RAI1: variants seen among roughly 807,000 people sequenced by gnomAD.
The protein encoded by RAI1 is retinoic acid induced 1, also known as retinoic acid-induced protein 1.
Under a neutral mutation model 123.8 loss-of-function variants are expected in RAI1, and 9 were observed. The observed-to-expected ratio is 0.07, with a 90% CI of 0.04 to 0.13. The LOEUF (loss-of-function observed/expected upper bound fraction) is 0.13. Among genes scored for constraint, RAI1 ranks in the 10% least tolerant of loss-of-function variants. The pLI is 1.00. For synonymous variants in RAI1, 1,231 were observed against 1,127.3 expected, an observed-to-expected ratio of 1.09 and a Z score of -1.84; for missense variants, 2,256 against 2,545.8, an observed-to-expected ratio of 0.89 and a Z score of 2.45.
intron 2 of RAI1, among the ~76,000 whole-genome samples, chr17:17,745,046 A>C (rs1242069595): frequency 6.6e-6 from 1 of 151,952 alleles, no homozygotes; most frequent in East Asian, 1.9e-4. Context: ...TAAGCTGATA[A>C]ATGACCCCTC....
chr17:17,794,055 C>T lies in RAI1; in HGVS notation c.1107C>T (p.Asn369=), dbSNP rs2032134010. Residue 369 remains asparagine (N), a synonymous_variant, in exon 3 of 6, where the codon AAC becomes AAT. Coordinates refer to ENST00000353383, the MANE Select transcript of RAI1 (RefSeq NM_030665.4). ...TPSPLMPNLE[N]FPYSQQPLST... The stretch of plus-strand genomic sequence containing the variant: ...CGCCGCTGATGCCAAACCTGGAGAA[C>T]TTTCCCTACAGCCAGCAGCCGCTCA... 3 of 1,613,944 alleles carry T rather than the reference C, an allele frequency of 1.9e-6. No homozygotes were observed. Among genetic ancestry groups the T allele is most frequent in the African/African-American group, 1.3e-5 (1 of 74,942 alleles).
intron 2 of RAI1, among the ~76,000 whole-genome samples, chr17:17,738,511 G>T: frequency 6.6e-6 from 1 of 152,160 alleles, no homozygotes; most frequent in East Asian, 1.9e-4. Context: ...CACGGCCTTG[G>T]GCCTGGCCTG....
rs761257778 is a variant in RAI1, at chr17:17,796,164, A to G, written c.3216A>G (p.Pro1072=). Residue 1072 remains proline, a synonymous_variant, in exon 3 of 6, where the codon CCA becomes CCG. Transcript: ENST00000353383. The surrounding 1 kb of genome is among the most constrained non-coding windows in gnomAD (Gnocchi z 5.8). ...ALSEPRTPGP[P]GLTTTPAPPD... ...GTGAGCCCCGCACGCCCGGACCCCC[A>G]GGCCTGACCACCACCCCTGCACCCC... The G allele has an allele frequency of 3.8e-6, 6 of 1,558,626 alleles. No individual in the cohort carries two copies. The South Asian group carries it at 5.9e-5, about 15-fold the overall frequency.
intron 1 of RAI1, among the ~76,000 whole-genome samples, chr17:17,702,490 A>G (rs1281997391): frequency 6.6e-6 from 1 of 152,236 alleles, no homozygotes; most frequent in Non-Finnish European, 1.5e-5. Flanking sequence ...CCTGCTGCCC[A>G]ACTCCATGCC....
chr17:17,795,233 C>T lies in RAI1; in HGVS notation c.2285C>T (p.Pro762Leu). The T allele has an allele frequency of 1.2e-6, 2 of 1,614,034 alleles. No individual in the cohort carries two copies. Among genetic ancestry groups the T allele is most frequent in the Non-Finnish European group, 1.7e-6 (2 of 1,180,016 alleles). The change falls in exon 3 of 6, where the codon CCT becomes CTT. Residue 762 changes from proline to leucine, a missense_variant. This residue lies in a region of RAI1 where 566 missense variants were observed against 616.0 expected (regional missense o/e 0.92). Transcript: ENST00000353383. This position sits in a 1 kb window ranked among gnomAD's most constrained non-coding sequence, Gnocchi z 5.9. ...GDACPRWGLH[P>L]GELTKGLEQG... Reference sequence around the variant, plus strand: ...GCTTGTCCCAGGTGGGGATTGCACCCTGGCGAGCTTACCAAGGGCCTGGAG... The same window carrying T: ...GCTTGTCCCAGGTGGGGATTGCACCTTGGCGAGCTTACCAAGGGCCTGGAG...
chr17:17,760,207 G>A (rs1033560395), intron 2 of RAI1, among the ~76,000 whole-genome samples: 1 of 152,166 alleles, frequency 6.6e-6, no homozygotes, highest in Admixed American at 6.5e-5. Context: ...TGTAATGGTG[G>A]AAGGGTAGAC....
At chr17:17,773,555 A>G (rs2031241693) in intron 2 of RAI1, among the ~76,000 whole-genome samples, 1 of 152,170 alleles carries the variant, frequency 6.6e-6, no homozygotes, top group Non-Finnish European at 1.5e-5. Flanking sequence ...CATCTATAAA[A>G]TGGGGGTGCT....
At chr17:17,779,238 C>G (rs954605473) in intron 2 of RAI1, 58 of 322,412 alleles carry the variant, frequency 1.8e-4, no homozygotes, top group African/African-American at 1.1e-3. Flanking sequence ...GTGGCTGGCT[C>G]TCCCCGAAGG....
Position 17,794,908 on chromosome 17 carries a change from G to A in RAI1, c.1960G>A (p.Ala654Thr), listed in dbSNP as rs749791172. The A allele has an allele frequency of 9.9e-6, 16 of 1,613,464 alleles. No individual in the cohort carries two copies. Among genetic ancestry groups the A allele is most frequent in the African/African-American group, 6.7e-5 (5 of 74,966 alleles). Residue 654 changes from alanine to threonine, a missense_variant, in exon 3 of 6, where the codon GCC becomes ACC. Ala to Thr is a moderately conservative substitution (Grantham distance 58). Transcript: ENST00000353383. ...CCACAGCGCCTGCCTGGACTCTGTG[G>A]CCAAGAGTGCGTGGCCCCGGCCTGG... ...ENHSACLDSV[A>T]KSAWPRPGEP...
At chr17:17,792,208 G>A (rs1298943885) in intron 2 of RAI1, among the ~76,000 whole-genome samples, 2 of 152,240 alleles carry the variant, frequency 1.3e-5, no homozygotes, top group Non-Finnish European at 2.9e-5. Context: ...CAGAGGAGGG[G>A]ACATTTTATG....
At chr17:17,803,296 C>T (rs1598098548) in intron 3 of RAI1, among the ~76,000 whole-genome samples, 1 of 152,172 alleles carries the variant, frequency 6.6e-6, no homozygotes, top group Non-Finnish European at 1.5e-5. Context: ...AGTGCTGAAC[C>T]TCCTTCTGGT....
At chr17:17,721,519 G>A (rs1056010869) in intron 1 of RAI1, among the ~76,000 whole-genome samples, 7 of 152,244 alleles carry the variant, frequency 4.6e-5, no homozygotes, top group African/African-American at 9.6e-5. Flanking sequence ...AATGTGAGTG[G>A]GGCAACAGGC....
chr17:17,810,901 G>A lies in RAI1; in HGVS notation c.*920G>A, dbSNP rs1473274298. 2 of 422,816 alleles carry A rather than the reference G, an allele frequency of 4.7e-6. No individual in the cohort carries two copies. The highest frequency in any genetic ancestry group is 9.8e-6 in the Non-Finnish European group (2 of 204,008). 26.2% of individuals were successfully genotyped at this position (422,816 alleles called of 1,614,324 possible). A position where few individuals can be genotyped will look rare whatever the true frequency, so the allele number is the denominator to read the frequency against. On this transcript the variant is annotated 3_prime_UTR_variant, in exon 6 of 6. Coordinates refer to ENST00000353383, the MANE Select transcript of RAI1 (RefSeq NM_030665.4). The surrounding 1 kb of genome is among the most constrained non-coding windows in gnomAD (Gnocchi z 4.6). ...GCTAGATTTCGTGTACAAAACCTGT[G>A]TACCCCTCTATATATATGTTACATA...
Position 17,801,528 on chromosome 17 carries a change from C to T in RAI1, c.5566-2228C>T, listed in dbSNP as rs1290338702. On this transcript the variant is annotated intron_variant, in intron 3 of 5. Transcript: ENST00000353383. The surrounding 1 kb of genome is among the most constrained non-coding windows in gnomAD (Gnocchi z 4.1). ...GCTTAAACATCCAGACACCAAGGGC[C>T]ACTCACAGACAGCAGCCGGCTTGTG... 6.6e-6 allele frequency among the ~76,000 whole-genome samples: 1 copy of T among 152,202 alleles called. No individual in the cohort carries two copies. Among genetic ancestry groups the T allele is most frequent in the African/African-American group, 2.4e-5 (1 of 41,438 alleles).
intron 2 of RAI1, among the ~76,000 whole-genome samples, chr17:17,792,246 G>C (rs1019842745): frequency 6.6e-6 from 1 of 152,180 alleles, no homozygotes; most frequent in Non-Finnish European, 1.5e-5. Context: ...GCCCCTAATC[G>C]ATGTCTGCTA....
intron 2 of RAI1, among the ~76,000 whole-genome samples, chr17:17,730,136 G>A (rs890390508): frequency 1.3e-5 from 2 of 152,176 alleles, no homozygotes; most frequent in Non-Finnish European, 2.9e-5. Context: ...CCCTGCCTGC[G>A]CTGGGTCATC....
At chr17:17,758,459 C>T (rs1040266214) in intron 2 of RAI1, among the ~76,000 whole-genome samples, 1 of 152,210 alleles carries the variant, frequency 6.6e-6, no homozygotes, top group Admixed American at 6.5e-5. Flanking sequence ...CTCCGGGAGC[C>T]TCCCTTCCTT....
rs1878749792 is a variant in RAI1, at chr17:17,809,724, G to C, written c.5710-246G>C. ...GGACGGCCTCCCTGCAGCTCCCCAA[G>C]ATAGGTGACAGAGTGGGGCAGGCGG... On this transcript the variant is annotated intron_variant, in intron 5 of 5. Coordinates refer to ENST00000353383, the MANE Select transcript of RAI1 (RefSeq NM_030665.4). The surrounding 1 kb of genome is among the most constrained non-coding windows in gnomAD (Gnocchi z 4.9). 6.6e-6 allele frequency among the ~76,000 whole-genome samples: 1 copy of C among 152,266 alleles called. No homozygotes were observed. Among genetic ancestry groups the C allele is most frequent in the South Asian group, 2.1e-4 (1 of 4,830 alleles).
At chr17:17,766,721 C>T (rs1261917235) in intron 2 of RAI1, among the ~76,000 whole-genome samples, 2 of 152,212 alleles carry the variant, frequency 1.3e-5, no homozygotes, top group African/African-American at 2.4e-5. Flanking sequence ...GCACAGGCGG[C>T]GGCACTGTTA....
Sources: allele counts gnomAD v4.1 joint callset (sites outside exome capture counted in the v4.1 genomes callset), GRCh38; gene constraint gnomAD v4.1.1; regional missense constraint gnomAD v4.1.1; non-coding constraint Gnocchi (gnomAD v3.1); transcripts MANE v1.5; gene names NCBI Gene and HGNC (gene_info 2026-07-23, HGNC 2026-07-21).